Variants in HK1 observed in about 807,000 individuals in gnomAD.
The protein encoded by HK1 is hexokinase 1, also known as hexokinase-1.
A neutral mutation model predicts 91.6 loss-of-function variants in HK1; 28 were observed. That is an observed-to-expected ratio of 0.31 (90% CI 0.23 to 0.42). HK1 has a LOEUF of 0.42. HK1 is among the 10% of genes least tolerant of loss of function. HK1 has a pLI of 1.00. For synonymous variants in HK1, 430 were observed against 468.1 expected, an observed-to-expected ratio of 0.92 and a Z score of 1.05; for missense variants, 770 against 1,219.8, an observed-to-expected ratio of 0.63 and a Z score of 5.49.
chr10:69,398,174 A>G (rs2132970503), intron 16 of HK1, among the ~76,000 whole-genome samples: 1 of 152,358 alleles, frequency 6.6e-6, no homozygotes, highest in African/African-American at 2.4e-5. Flanking sequence ...TGGCTAAAGA[A>G]ATCATGGTGC....
chr10:69,293,357 C>T (rs1190625848), intron 3 of HK1, among the ~76,000 whole-genome samples: 1 of 152,124 alleles, frequency 6.6e-6, no homozygotes, highest in Admixed American at 6.5e-5. Flanking sequence ...ATGAAGTATT[C>T]CAGCAACCAG....
intron 2 of HK1, 97 bp from the exon 3 acceptor site, chr10:69,359,800 G>T: frequency 8.7e-7 from 1 of 1,152,496 alleles, no homozygotes. Context: ...GGCAGGGGGA[G>T]GCAGACAGGG....
At chr10:69,311,905 G>A (rs1170746445), upstream of HK1, among the ~76,000 whole-genome samples, 2 of 152,176 alleles carry the variant, frequency 1.3e-5, no homozygotes, top group African/African-American at 4.8e-5. Context: ...AAAGTGCTGG[G>A]ATTATAGGCG....
rs957972664 is a variant in HK1, at chr10:69,401,352, G to A, written c.*217G>A. On this transcript the variant is annotated 3_prime_UTR_variant, in exon 18 of 18. Transcript: ENST00000359426. ...ACCCGGATCCCTCCTCACTTGCCCT[G>A]CCACTTTGCATGGTTTGATTTTGAC... 6.5e-6 allele frequency: 4 copies of A among 616,244 alleles called. No homozygotes were observed. The highest frequency in any genetic ancestry group is 5.5e-5 in the African/African-American group (3 of 54,282). 38.2% of individuals were successfully genotyped at this position (616,244 alleles called of 1,614,324 possible).
chr10:69,370,740 A>G (rs1237527887), intron 7 of HK1, among the ~76,000 whole-genome samples: 2 of 152,198 alleles, frequency 1.3e-5, no homozygotes, highest in African/African-American at 4.8e-5. Context: ...AGCAACCTCC[A>G]TTCTTACTAT....
At chr10:69,301,180 G>A (rs1845845172) in intron 5 of HK1, among the ~76,000 whole-genome samples, 1 of 149,958 alleles carries the variant, frequency 6.7e-6, no homozygotes, top group Admixed American at 6.7e-5. Context: ...GGGAGATGGA[G>A]GTTGCAGTGA....
intron 1 of HK1, 161 bp downstream of exon 1, chr10:69,319,171 C>A: frequency 1.2e-6 from 1 of 861,542 alleles, no homozygotes; most frequent in South Asian, 1.5e-5. Flanking sequence ...TCGATTCTAC[C>A]GGCATTGTCA....
rs562212450 is a variant in HK1, at chr10:69,345,647, C to T, written c.226+1658C>T. Among the ~76,000 whole-genome samples, 5 of 152,182 alleles carry T rather than the reference C, an allele frequency of 3.3e-5. No individual in the cohort carries two copies. The South Asian group carries it at 1.0e-3, about 32-fold the overall frequency. On this transcript the variant is annotated intron_variant, in intron 2 of 17. Transcript: ENST00000359426. ...TACCTGATCCCTGCGAGGCACCTGG[C>T]CCTGTGTGACTGGCTCAGGGCAGAC...
intron 3 of HK1, among the ~76,000 whole-genome samples, chr10:69,293,549 T>G (rs1239894668): frequency 6.6e-5 from 10 of 152,220 alleles, no homozygotes; most frequent in Admixed American, 2.0e-4. Flanking sequence ...ACTTAGTGGC[T>G]TAAAACAATA....
intron 3 of HK1, chr10:69,295,565 C>T (rs1845523180): frequency 9.9e-7 from 1 of 1,015,214 alleles, no homozygotes; most frequent in South Asian, 1.3e-5. Flanking sequence ...TTATAAGCAT[C>T]AATATGTTGT....
rs150453227 is a variant in HK1 at position 69,270,309 on chromosome 10, G to A, written c.-391+201G>A. On this transcript the variant is annotated intron_variant, in intron 1 of 21. Coordinates refer to the HK1 transcript ENST00000360289. The stretch of plus-strand genomic sequence containing the variant: ...CTTCTAAGCATCTTTGGCTGGGCGT[G>A]GTGGCTCATGCCTGTAATCCCTGCA... 4.0e-3 allele frequency among the ~76,000 whole-genome samples: 609 copies of A among 152,136 alleles called. 2 individuals carry two copies. Among genetic ancestry groups the A allele is most frequent in the African/African-American group, 0.014 (579 of 41,504 alleles).
chr10:69,382,473 C>G lies in HK1; in HGVS notation c.1266-14C>G. On this transcript the variant is annotated splice_polypyrimidine_tract_variant and intron_variant, in intron 9 of 17. Transcript: ENST00000359426. ...AGTCCAGCTGTTGTGGAATGTCCCCCCTGCCCCCATAAGGTATTCCCGGCG... is the reference window on the plus strand; with the variant it reads ...AGTCCAGCTGTTGTGGAATGTCCCCGCTGCCCCCATAAGGTATTCCCGGCG... 1 of 1,614,060 alleles carries G rather than the reference C, an allele frequency of 6.2e-7. No individual in the cohort carries two copies. The highest frequency in any genetic ancestry group is 1.1e-5 in the South Asian group (1 of 91,060).
chr10:69,319,644 T>G (rs1846892306), intron 1 of HK1, among the ~76,000 whole-genome samples: 1 of 152,250 alleles, frequency 6.6e-6, no homozygotes, highest in Non-Finnish European at 1.5e-5. Context: ...TTTTTATTCC[T>G]CTTAAGCTGT....
chr10:69,319,318 G>C (rs1846870444), intron 1 of HK1: 1 of 520,642 alleles, frequency 1.9e-6, no homozygotes, highest in Non-Finnish European at 3.5e-6. Context: ...GAGGTGGCCG[G>C]TGGGCCCTTC....
Position 69,369,220 on chromosome 10 carries a change from C to A in HK1, c.592-17C>A. 6.3e-7 allele frequency: 1 copy of A among 1,587,084 alleles called. No individual in the cohort carries two copies. Among genetic ancestry groups the A allele is most frequent in the Non-Finnish European group, 8.7e-7 (1 of 1,155,400 alleles). On this transcript the variant is annotated splice_polypyrimidine_tract_variant and intron_variant, in intron 5 of 17. Transcript: ENST00000359426. This position sits in a 1 kb window ranked among gnomAD's most constrained non-coding sequence, Gnocchi z 4.4. ...CCATGTGTGAGTGGACAATGACACC[C>A]CGTTATCTGTCCCCAGGACTATGAT...
chr10:69,288,343 C>T (rs1440445473), intron 2 of HK1, among the ~76,000 whole-genome samples: 2 of 151,982 alleles, frequency 1.3e-5, no homozygotes, highest in East Asian at 3.9e-4. Flanking sequence ...GGTGCAGTAG[C>T]TCAGGCCTGT....
intron 1 of HK1, among the ~76,000 whole-genome samples, chr10:69,323,813 G>A (rs573538078): frequency 9.9e-5 from 15 of 152,242 alleles, no homozygotes; most frequent in African/African-American, 3.1e-4. Flanking sequence ...ACTGTTCTCC[G>A]GAGAAGACAT....
chr10:69,351,474 C>T (rs774356244), intron 2 of HK1, among the ~76,000 whole-genome samples: 2 of 151,740 alleles, frequency 1.3e-5, no homozygotes, highest in Non-Finnish European at 2.9e-5. Context: ...GCGCCATTGC[C>T]GTCCAGCCTG....
chr10:69,305,477 A>G (rs1564497407), intron 5 of HK1, among the ~76,000 whole-genome samples: 1 of 152,110 alleles, frequency 6.6e-6, no homozygotes, highest in Non-Finnish European at 1.5e-5. Context: ...TTAATTAGCC[A>G]TTTGTTTACC....
Sources: allele counts gnomAD v4.1 joint callset (sites outside exome capture counted in the v4.1 genomes callset), GRCh38; gene constraint gnomAD v4.1.1; non-coding constraint Gnocchi (gnomAD v3.1); transcripts MANE v1.5; gene names NCBI Gene and HGNC (gene_info 2026-07-23, HGNC 2026-07-21).